The following MGAT4C variants were observed in gnomAD, a reference collection of about 807,000 sequenced individuals.
The protein encoded by MGAT4C is alpha-1,3-mannosyl-glycoprotein 4-beta-N-acetylglucosaminyltransferase C.
A neutral mutation model predicts 40.1 loss-of-function variants in MGAT4C; 19 were observed. The ratio of observed to expected loss-of-function variants is 0.47; its 90% CI spans 0.33 to 0.70. The LOEUF (loss-of-function observed/expected upper bound fraction) is 0.70. Among genes scored for constraint, MGAT4C ranks in the 30% least tolerant of loss-of-function variants. MGAT4C has a pLI of 0.02. For synonymous variants in MGAT4C, 181 were observed against 187.1 expected, an observed-to-expected ratio of 0.97 and a Z score of 0.27; for missense variants, 491 against 563.2, an observed-to-expected ratio of 0.87 and a Z score of 1.30.
chr12:86,437,127 T>C (rs555579807), intron 2 of MGAT4C, among the ~76,000 whole-genome samples: 2 of 151,802 alleles, frequency 1.3e-5, no homozygotes, highest in African/African-American at 4.8e-5. Flanking sequence ...AGAATTTTTA[T>C]GTCTTTATTA....
intron 2 of MGAT4C, among the ~76,000 whole-genome samples, chr12:86,563,374 C>T (rs1185727382): frequency 1.3e-5 from 2 of 152,176 alleles, no homozygotes; most frequent in African/African-American, 4.8e-5. Context: ...GCTAATTAAT[C>T]ACAGTGTTCC....
At chr12:86,162,864 C>T (rs755973595) in intron 1 of MGAT4C, among the ~76,000 whole-genome samples, 8 of 152,162 alleles carry the variant, frequency 5.3e-5, no homozygotes, top group Non-Finnish European at 1.2e-4. Flanking sequence ...ATCACCAATA[C>T]TTTGTGGGAC....
intron 3 of MGAT4C, among the ~76,000 whole-genome samples, chr12:86,408,473 CTCTCTCTATATATATATATA>C (rs1351649718): frequency 2.8e-5 from 3 of 108,136 alleles, no homozygotes; most frequent in African/African-American, 1.2e-4. Context: ...CTCTCTCTCT[CTCTCTCTATATATATATATA>C]TATATATATA....
At chr12:86,142,777 T>C (rs1198324737) in intron 1 of MGAT4C, among the ~76,000 whole-genome samples, 1 of 151,972 alleles carries the variant, frequency 6.6e-6, no homozygotes. Context: ...TTTTCTTGTT[T>C]ATAACCAAAA....
At chr12:86,833,892 A>T (rs1466930006) in intron 1 of MGAT4C, among the ~76,000 whole-genome samples, 1 of 151,818 alleles carries the variant, frequency 6.6e-6, no homozygotes, top group Non-Finnish European at 1.5e-5. Flanking sequence ...TTATATATAA[A>T]TTGAGAGAAT....
chr12:86,135,400 A>G (rs1380537333), intron 1 of MGAT4C, among the ~76,000 whole-genome samples: 1 of 152,118 alleles, frequency 6.6e-6, no homozygotes, highest in Non-Finnish European at 1.5e-5. Context: ...TTTCAGTTCA[A>G]ATTTCAAATT....
chr12:86,113,507 TA>T (rs1164891810), intron 1 of MGAT4C, among the ~76,000 whole-genome samples: 1 of 151,064 alleles, frequency 6.6e-6, no homozygotes, highest in Non-Finnish European at 1.5e-5. Context: ...TATTACAGAA[TA>T]AAAAAATTAA....
rs1883619182 is a variant in MGAT4C, at chr12:85,971,430, T to C, written c.*7859A>G. On this transcript the variant is annotated 3_prime_UTR_variant, in exon 5 of 5. Transcript: ENST00000611864. The stretch of plus-strand genomic sequence containing the variant: ...CTTTAACTTGAAGGACACTTATATT[T>C]TGTATCACTTTTGTAGCAAACACAT... 6.6e-6 allele frequency: 1 copy of C among 151,276 alleles called. No homozygotes were observed. The highest frequency in any genetic ancestry group is 2.4e-5 in the African/African-American group (1 of 41,376). The allele number at this position is 151,276 out of a possible 1,614,324, so 9.4% of individuals were successfully genotyped here. A position where few individuals can be genotyped will look rare whatever the true frequency, so the allele number is the denominator to read the frequency against.
chr12:86,734,565 A>G (rs892435921), intron 1 of MGAT4C, among the ~76,000 whole-genome samples: 1 of 152,024 alleles, frequency 6.6e-6, no homozygotes, highest in East Asian at 1.9e-4. Flanking sequence ...GGTGGTGCCC[A>G]CTAGAATAAG....
chr12:86,667,646 A>G (rs901324960), intron 2 of MGAT4C, among the ~76,000 whole-genome samples: 36 of 152,242 alleles, frequency 2.4e-4, no homozygotes, highest in Non-Finnish European at 5.9e-5. Flanking sequence ...ACCACAGACC[A>G]TATGTAAACA....
chr12:86,356,341 A>G (rs1955309818), intron 3 of MGAT4C, among the ~76,000 whole-genome samples: 1 of 152,190 alleles, frequency 6.6e-6, no homozygotes, highest in Non-Finnish European at 1.5e-5. Flanking sequence ...TAATACACAC[A>G]CTAATTTGGA....
intron 4 of MGAT4C, among the ~76,000 whole-genome samples, chr12:86,303,560 A>T (rs543512890): frequency 1.5e-3 from 28 of 18,872 alleles, no homozygotes; most frequent in South Asian, 7.5e-3. Context: ...GAAGACACTT[A>T]AAAAAAAAAG....
At chr12:86,687,201 A>AT (rs1325394318) in intron 2 of MGAT4C, among the ~76,000 whole-genome samples, 1 of 151,630 alleles carries the variant, frequency 6.6e-6, no homozygotes, top group African/African-American at 2.4e-5. Flanking sequence ...CCCCTTTTTC[A>AT]TTTTTTATTT....
At chr12:86,689,592 T>C (rs1299358382) in intron 2 of MGAT4C, among the ~76,000 whole-genome samples, 2 of 152,074 alleles carry the variant, frequency 1.3e-5, no homozygotes, top group African/African-American at 4.8e-5. Context: ...TCTGTTGGAG[T>C]TTGCTGGACA....
chr12:86,263,640 G>A (rs573097839), intron 4 of MGAT4C, among the ~76,000 whole-genome samples: 2 of 152,274 alleles, frequency 1.3e-5, no homozygotes, highest in East Asian at 1.9e-4. Flanking sequence ...GAGCCTATCA[G>A]TGCAGATATC....
intron 4 of MGAT4C, among the ~76,000 whole-genome samples, chr12:86,265,955 C>A (rs1242507958): frequency 2.6e-5 from 4 of 152,114 alleles, no homozygotes; most frequent in Non-Finnish European, 5.9e-5. Context: ...GTTGCTGGTC[C>A]ATAGAAACAC....
chr12:86,589,230 A>G (rs896765396), intron 2 of MGAT4C, among the ~76,000 whole-genome samples: 3 of 151,916 alleles, frequency 2.0e-5, no homozygotes, highest in East Asian at 1.9e-4. Flanking sequence ...TATCACCACC[A>G]ATCCCACAGA....
chr12:86,447,153 T>A (rs1159843969), intron 2 of MGAT4C, among the ~76,000 whole-genome samples: 2 of 152,112 alleles, frequency 1.3e-5, no homozygotes. Context: ...GAGATGGAAT[T>A]TCACTCTTGT....
intron 2 of MGAT4C, among the ~76,000 whole-genome samples, chr12:86,454,870 A>T (rs1336726848): frequency 6.6e-6 from 1 of 152,174 alleles, no homozygotes; most frequent in Non-Finnish European, 1.5e-5. Flanking sequence ...TATTTAATCC[A>T]ACAAATTTTA....
Sources: allele counts gnomAD v4.1 joint callset (sites outside exome capture counted in the v4.1 genomes callset), GRCh38; gene constraint gnomAD v4.1.1; transcripts MANE v1.5; gene names NCBI Gene and HGNC (gene_info 2026-07-23, HGNC 2026-07-21).